ADCY8: variants seen among roughly 807,000 people sequenced by gnomAD.
The protein encoded by ADCY8 is adenylate cyclase type 8.
In ADCY8, 51 loss-of-function variants were observed where a neutral mutation model predicts 119.7. The ratio of observed to expected loss-of-function variants is 0.43; its 90% CI spans 0.34 to 0.54. The LOEUF is 0.54. Ranked by LOEUF, ADCY8 falls within the 20% of genes least tolerant of loss-of-function variation. ADCY8 has a pLI of 0.03. For synonymous variants in ADCY8, 665 were observed against 651.0 expected (o/e 1.02, Z -0.33); for missense variants, 1,383 against 1,598.8 (o/e 0.87, Z 2.30).
Position 131,039,841 on chromosome 8 carries a change from C to A in ADCY8, c.493G>T (p.Asp165Tyr). 6.2e-7 allele frequency: 1 copy of A among 1,614,166 alleles called. No homozygotes were observed. Among genetic ancestry groups the A allele is most frequent in the Non-Finnish European group, 8.5e-7 (1 of 1,180,024 alleles). ...TAGCGCTGGTAGAGGCGTTCCAAAT[C>A]CCGAGATTTGAAGGAGTTGCGCAGG... Reference protein sequence around the residue: ...PTLRNSFKSRDLERLYQRYFL... With the variant: ...PTLRNSFKSRYLERLYQRYFL... The change falls in exon 1 of 18, where the codon GAT becomes TAT. Residue 165 changes from aspartate to tyrosine, a missense_variant. Physicochemically the swap from Asp to Tyr is radical, Grantham distance 160. Coordinates refer to ENST00000286355, the MANE Select transcript of ADCY8 (RefSeq NM_001115.3).
intron 1 of ADCY8, among the ~76,000 whole-genome samples, chr8:131,002,050 G>A (rs1822967544): frequency 6.6e-6 from 1 of 152,196 alleles, no homozygotes; most frequent in Non-Finnish European, 1.5e-5. Flanking sequence ...GAGCTTAACA[G>A]TTTAGCTTAG....
chr8:130,818,001 C>T (rs1407883296), intron 13 of ADCY8, among the ~76,000 whole-genome samples: 1 of 152,122 alleles, frequency 6.6e-6, no homozygotes, highest in African/African-American at 2.4e-5. Flanking sequence ...ATAAAACCAA[C>T]CAATTAAATG....
At chr8:130,792,248 A>T (rs1166281556) in intron 15 of ADCY8, among the ~76,000 whole-genome samples, 1 of 151,974 alleles carries the variant, frequency 6.6e-6, no homozygotes, top group East Asian at 1.9e-4. Flanking sequence ...GTGATGCTTC[A>T]CCAGTCTCTG....
chr8:130,933,478 T>A (rs1356355580), intron 5 of ADCY8, among the ~76,000 whole-genome samples: 3 of 152,328 alleles, frequency 2.0e-5, no homozygotes, highest in Non-Finnish European at 2.9e-5. Flanking sequence ...ACTATAGAAG[T>A]CTGAGCCAAT....
intron 17 of ADCY8, among the ~76,000 whole-genome samples, chr8:130,782,967 C>T (rs1815131954): frequency 6.6e-6 from 1 of 152,212 alleles, no homozygotes; most frequent in African/African-American, 2.4e-5. Flanking sequence ...AATGCTGGAG[C>T]TGCTGCTGGT....
chr8:130,895,787 T>TA (rs1479828941), intron 7 of ADCY8, among the ~76,000 whole-genome samples: 2 of 152,152 alleles, frequency 1.3e-5, no homozygotes, highest in Admixed American at 1.3e-4. Context: ...TTAAAATGGT[T>TA]AAAAAAATTA....
At chr8:130,869,511 T>TG (rs1460410660) in intron 8 of ADCY8, among the ~76,000 whole-genome samples, 1 of 109,976 alleles carries the variant, frequency 9.1e-6, no homozygotes, top group Non-Finnish European at 1.8e-5. Flanking sequence ...TTTGTTTATT[T>TG]TTTTTTGTTT....
intron 16 of ADCY8, among the ~76,000 whole-genome samples, chr8:130,784,533 G>C (rs1378024952): frequency 6.6e-6 from 1 of 152,168 alleles, no homozygotes; most frequent in South Asian, 2.1e-4. Context: ...AATATTTTAA[G>C]GTTTGTCGAC....
At chr8:130,996,738 A>C (rs1295419452) in intron 1 of ADCY8, among the ~76,000 whole-genome samples, 1 of 152,192 alleles carries the variant, frequency 6.6e-6, no homozygotes, top group African/African-American at 2.4e-5. Flanking sequence ...GGGAAAAATA[A>C]AGGGGAATAC....
intron 12 of ADCY8, among the ~76,000 whole-genome samples, chr8:130,822,921 TC>T (rs2130206901): frequency 6.6e-6 from 1 of 152,264 alleles, no homozygotes; most frequent in Admixed American, 6.5e-5. Context: ...GGCCCACATT[TC>T]CCCCTTGCCA....
rs2130824180 is a variant in ADCY8 at position 131,039,993 on chromosome 8, C to T, written c.341G>A (p.Gly114Glu). 5 of 1,567,514 alleles carry T rather than the reference C, an allele frequency of 3.2e-6. No homozygotes were observed. The East Asian group carries it at 9.4e-5, about 30-fold the overall frequency. The change falls in exon 1 of 18, where the codon GGG becomes GAG. Residue 114 changes from glycine to glutamate, a missense_variant. By Grantham distance (98) the Gly-to-Glu change is moderately conservative. Transcript: ENST00000286355. ...TCCGCTGCCGCTGGCACTGCCGCTC[C>T]CGCTGCGTTCCGGGAAGACTTTGGT... is the stretch of plus-strand genomic sequence containing the variant. ...CGTKVFPERSGSGSASGSGGG... is the reference protein window; with the variant it reads ...CGTKVFPERSESGSASGSGGG...
At chr8:131,002,549 GC>G (rs1186845773) in intron 1 of ADCY8, among the ~76,000 whole-genome samples, 1 of 152,060 alleles carries the variant, frequency 6.6e-6, no homozygotes, top group African/African-American at 2.4e-5. Flanking sequence ...CTTCCTGCCT[GC>G]CCTTTATAAA....
chr8:130,984,064 G>A (rs1490220460), intron 2 of ADCY8, among the ~76,000 whole-genome samples: 1 of 152,198 alleles, frequency 6.6e-6, no homozygotes, highest in Admixed American at 6.5e-5. Context: ...GAATGTCTGG[G>A]CTTCCTATCA....
At chr8:130,891,271 C>T (rs1368091744) in intron 7 of ADCY8, among the ~76,000 whole-genome samples, 3 of 152,094 alleles carry the variant, frequency 2.0e-5, no homozygotes, top group African/African-American at 4.8e-5. Flanking sequence ...CTTCCTATGT[C>T]CTACAAGACA....
chr8:130,794,990 G>A (rs1815534663), intron 15 of ADCY8, among the ~76,000 whole-genome samples: 1 of 152,112 alleles, frequency 6.6e-6, no homozygotes, highest in African/African-American at 2.4e-5. Context: ...GTGGGAGGCT[G>A]AGGCAGGCAG....
chr8:130,914,955 C>A (rs1276357149), intron 5 of ADCY8, among the ~76,000 whole-genome samples: 1 of 152,156 alleles, frequency 6.6e-6, no homozygotes, highest in Non-Finnish European at 1.5e-5. Flanking sequence ...GGTTCACAGG[C>A]CTTTGGCTGT....
chr8:130,842,559 A>G (rs1173603577), intron 11 of ADCY8, among the ~76,000 whole-genome samples: 2 of 152,082 alleles, frequency 1.3e-5, no homozygotes, highest in Non-Finnish European at 2.9e-5. Flanking sequence ...ATATTTGTCT[A>G]TCATGAATAC....
At chr8:130,812,165 T>A (rs1478044934) in intron 14 of ADCY8, among the ~76,000 whole-genome samples, 1 of 152,140 alleles carries the variant, frequency 6.6e-6, no homozygotes, top group Non-Finnish European at 1.5e-5. Context: ...TGGCTTTGTG[T>A]TGCATGATCC....
chr8:131,038,277 T>C (rs934301812), intron 1 of ADCY8, among the ~76,000 whole-genome samples: 1 of 152,156 alleles, frequency 6.6e-6, no homozygotes, highest in African/African-American at 2.4e-5. Flanking sequence ...AAGCTTCTAA[T>C]ACAGCAAAAA....
Sources: gnomAD v4.1 joint callset for allele counts (sites outside exome capture counted in the v4.1 genomes callset) on GRCh38, gnomAD v4.1.1 for gene constraint, MANE v1.5 for transcripts, NCBI Gene and HGNC (gene_info 2026-07-23, HGNC 2026-07-21) for gene names.